The following DNAH11 variants were observed in gnomAD, a reference collection of about 807,000 sequenced individuals.
DNAH11 encodes dynein axonemal heavy chain 11, also known as axonemal beta dynein heavy chain 11.
In DNAH11, 442 loss-of-function variants were observed where a neutral mutation model predicts 526.0. The ratio of observed to expected loss-of-function variants is 0.84; its 90% CI spans 0.78 to 0.91. DNAH11 has a LOEUF of 0.91. DNAH11 is among the 40% of genes least tolerant of loss of function. The probability of loss-of-function intolerance (pLI) is 0.00; values close to 1 mark genes in which losing one functional copy is unlikely to be tolerated. For synonymous variants in DNAH11, 2,461 were observed against 1,935.9 expected (o/e 1.27, Z -7.12); for missense variants, 6,989 against 5,448.7 (o/e 1.28, Z -8.90).
At chr7:21,579,156 T>C (rs765765583) in intron 8 of DNAH11, among the ~76,000 whole-genome samples, 13 of 152,188 alleles carry the variant, frequency 8.5e-5, no homozygotes, top group Non-Finnish European at 1.3e-4. Flanking sequence ...AAACCATGGC[T>C]TTTCTCTAAT....
Position 21,818,425 on chromosome 7 carries a change from A to G in DNAH11, c.10691+86A>G, listed in dbSNP as rs10277757. On this transcript the variant is annotated intron_variant, in intron 65 of 81. Coordinates refer to ENST00000409508, the MANE Select transcript of DNAH11 (RefSeq NM_001277115.2). The stretch of plus-strand genomic sequence containing the variant: ...TCTTAGCTTCATAGTCAAGCAGTCT[A>G]TTGAAATCTTAGTGATATTTCTGAG... 539,209 of 1,448,668 alleles carry G rather than the reference A, an allele frequency of 0.37. 107,148 individuals are homozygous for G. Among genetic ancestry groups the G allele is most frequent in the East Asian group, 0.82 (34,083 of 41,566 alleles). 89.7% of individuals were successfully genotyped at this position (1,448,668 alleles called of 1,614,324 possible). A position where few individuals can be genotyped will look rare whatever the true frequency, so the allele number is the denominator to read the frequency against.
chr7:21,559,813 A>G (rs760409867), intron 4 of DNAH11, 21 bp downstream of exon 4: 3 of 1,559,634 alleles, frequency 1.9e-6, no homozygotes, highest in Non-Finnish European at 2.6e-6. Context: ...AGCCCTAGAA[A>G]TTATAAATTA....
Position 21,570,300 on chromosome 7 carries a change from G to T in DNAH11, c.1425+1G>T. On this transcript the variant is annotated splice_donor_variant, in intron 7 of 81. Transcript: ENST00000409508. LOFTEE classifies it high-confidence loss of function. ...TCTTGATCGTTTAATAAAAATAGAG[G>T]TATTCATTTTTTGATTTTATTTATT... The T allele has an allele frequency of 6.3e-7, 1 of 1,585,068 alleles. No homozygotes were observed. The highest frequency in any genetic ancestry group is 8.6e-7 in the Non-Finnish European group (1 of 1,168,950).
At chr7:21,781,271 ATGT>A (rs1562541852) in intron 57 of DNAH11, among the ~76,000 whole-genome samples, 1 of 152,174 alleles carries the variant, frequency 6.6e-6, no homozygotes, top group Non-Finnish European at 1.5e-5. Context: ...GACTAAATAA[ATGT>A]TGGGGTTAGA....
chr7:21,869,236 C>G (rs1336950532), intron 73 of DNAH11, among the ~76,000 whole-genome samples: 1 of 152,202 alleles, frequency 6.6e-6, no homozygotes, highest in African/African-American at 2.4e-5. Flanking sequence ...TTAGGAAGAA[C>G]TTCGTCGTTC....
At chr7:21,584,085 C>A (rs1446626899) in intron 9 of DNAH11, among the ~76,000 whole-genome samples, 1 of 152,142 alleles carries the variant, frequency 6.6e-6, no homozygotes, top group African/African-American at 2.4e-5. Flanking sequence ...TGGGTATATA[C>A]CCAAAGGATT....
At chr7:21,820,533 A>G (rs959369993) in intron 65 of DNAH11, among the ~76,000 whole-genome samples, 4 of 152,192 alleles carry the variant, frequency 2.6e-5, no homozygotes, top group Non-Finnish European at 4.4e-5. Context: ...AAAACACACA[A>G]AACAATCCAA....
intron 44 of DNAH11, among the ~76,000 whole-genome samples, chr7:21,724,237 T>C (rs1193628970): frequency 6.6e-6 from 1 of 152,220 alleles, no homozygotes; most frequent in East Asian, 1.9e-4. Flanking sequence ...AGACCAACTT[T>C]TGTAGGGTGA....
Position 21,658,819 on chromosome 7 carries a change from C to T in DNAH11, c.5116C>T (p.Leu1706Phe). 1 of 1,588,778 alleles carries T rather than the reference C, an allele frequency of 6.3e-7. No individual in the cohort carries two copies. The highest frequency in any genetic ancestry group is 8.6e-7 in the Non-Finnish European group (1 of 1,167,332). ...VGHVETWLLQ[L>F]EQTMQETVRH... The stretch of plus-strand genomic sequence containing the variant: ...AAAGGTGGAAACATGGCTTCTGCAA[C>T]TTGAACAGACTATGCAAGAAACGGT... Residue 1706 changes from leucine (L) to phenylalanine (F), a missense_variant, in exon 30 of 82, where the codon CTT becomes TTT. Coordinates refer to ENST00000409508, the MANE Select transcript of DNAH11 (RefSeq NM_001277115.2).
chr7:21,754,813 T>C (rs1044054607), intron 54 of DNAH11, among the ~76,000 whole-genome samples: 3 of 152,194 alleles, frequency 2.0e-5, no homozygotes, highest in Non-Finnish European at 4.4e-5. Context: ...GGGAGAAATA[T>C]TACGGTAAAA....
chr7:21,586,416 C>A (rs1350591738), intron 9 of DNAH11, among the ~76,000 whole-genome samples: 1 of 152,130 alleles, frequency 6.6e-6, no homozygotes, highest in Non-Finnish European at 1.5e-5. Context: ...TGCTAGGTAG[C>A]CCCGAGTAGT....
rs764774028 is a variant in DNAH11, at chr7:21,559,001, A to G, written c.692+3A>G. 2.7e-5 allele frequency: 43 copies of G among 1,564,368 alleles called. No homozygotes were observed. Among genetic ancestry groups the G allele is most frequent in the Non-Finnish European group, 3.4e-5 (39 of 1,153,108 alleles). ...GATCAGAATTGTTCAGAGAACAAGT[A>G]CGTAACAGTACAATATATACAGGAT... On this transcript the variant is annotated splice_donor_region_variant and intron_variant, in intron 3 of 81. Transcript: ENST00000409508.
intron 2 of DNAH11, among the ~76,000 whole-genome samples, chr7:21,548,089 C>T (rs546616884): frequency 6.9e-6 from 1 of 145,356 alleles, no homozygotes; most frequent in South Asian, 2.2e-4. Context: ...CAACCTTCTA[C>T]CCAACCCATT....
intron 30 of DNAH11, among the ~76,000 whole-genome samples, chr7:21,662,003 G>T (rs1292270633): frequency 3.3e-5 from 5 of 151,978 alleles, no homozygotes; most frequent in Non-Finnish European, 5.9e-5. Context: ...GTTTTTAGTA[G>T]AGACAGGGTT....
intron 61 of DNAH11, among the ~76,000 whole-genome samples, chr7:21,792,395 T>G (rs28846096): frequency 0.15 from 22,758 of 152,202 alleles, 2,625 homozygotes; most frequent in East Asian, 0.35. Flanking sequence ...GTCTAGTTTT[T>G]GTGTCAGGTA....
intron 25 of DNAH11, among the ~76,000 whole-genome samples, chr7:21,623,859 A>G (rs1458663252): frequency 6.6e-6 from 1 of 151,866 alleles, no homozygotes; most frequent in African/African-American, 2.4e-5. Flanking sequence ...AGATACACCT[A>G]ATGCTAAATG....
Position 21,621,247 on chromosome 7 carries a change from A to C in DNAH11, c.4500+1169A>C, listed in dbSNP as rs909378846. On this transcript the variant is annotated intron_variant, in intron 25 of 81. Transcript: ENST00000409508. Reference sequence around the variant, plus strand: ...AAGAAATGGATAAATTCCTCGACACATACACCCTCCCAAGACTAAACCAGG... The same window carrying C: ...AAGAAATGGATAAATTCCTCGACACCTACACCCTCCCAAGACTAAACCAGG... 5.3e-5 allele frequency among the ~76,000 whole-genome samples: 8 copies of C among 152,274 alleles called. No individual in the cohort carries two copies. In the South Asian group the frequency reaches 1.5e-3, roughly 28 times the overall value.
intron 61 of DNAH11, among the ~76,000 whole-genome samples, chr7:21,796,728 T>C (rs923927651): frequency 2.6e-5 from 4 of 152,166 alleles, no homozygotes; most frequent in African/African-American, 9.7e-5. Flanking sequence ...TTTCCATCTT[T>C]GTGAGCTTGA....
chr7:21,683,758 G>A (rs377636430), intron 31 of DNAH11, 26 bp from the exon 32 acceptor site: 103 of 1,556,518 alleles, frequency 6.6e-5, no homozygotes, highest in African/African-American at 4.1e-4. Context: ...AGTGTCCTGC[G>A]TATGATGATT....
Sources: gnomAD v4.1 joint callset for allele counts (sites outside exome capture counted in the v4.1 genomes callset) on GRCh38, gnomAD v4.1.1 for gene constraint, MANE v1.5 for transcripts, NCBI Gene and HGNC (gene_info 2026-07-23, HGNC 2026-07-21) for gene names.